MIB1: variants seen among roughly 807,000 people sequenced by gnomAD.
The protein encoded by MIB1 is MIB E3 ubiquitin protein ligase 1, also known as E3 ubiquitin-protein ligase MIB1.
In MIB1, 278 loss-of-function variants were observed where a neutral mutation model predicts 124.5. The ratio of observed to expected loss-of-function variants is 2.23; its 90% CI spans 2.02 to 2.47. The LOEUF (loss-of-function observed/expected upper bound fraction) is 2.47, where lower values mean the gene tolerates loss of function less well. MIB1 is among the 30% of genes most tolerant of loss of function. MIB1 has a pLI of 0.00. For missense variants in MIB1, 957 were observed against 1,254.4 expected (o/e 0.76, Z 3.58); for synonymous variants, 446 against 429.4 (o/e 1.04, Z -0.48).
In MIB1 at chr18:21,779,490, A is replaced by T; in HGVS notation, c.713A>T (p.Asn238Ile). 1 of 1,614,086 alleles carries T rather than the reference A, an allele frequency of 6.2e-7. No individual in the cohort carries two copies. The highest frequency in any genetic ancestry group is 8.5e-7 in the Non-Finnish European group (1 of 1,179,954). ...RDHCPVLGEQNGNRNPGGLQI... is the reference protein window; with the variant it reads ...RDHCPVLGEQIGNRNPGGLQI... ...GCCTCTGAAATTACAGGTGAGCAGAATGGCAACAGGAATCCTGGTGGATTG... is the reference window on the plus strand; with the variant it reads ...GCCTCTGAAATTACAGGTGAGCAGATTGGCAACAGGAATCCTGGTGGATTG... The change falls in exon 6 of 21, where the codon AAT (asparagine) becomes ATT (isoleucine). Residue 238 changes from asparagine (N) to isoleucine (I), a missense_variant. Coordinates refer to ENST00000261537, the MANE Select transcript of MIB1 (RefSeq NM_020774.4).
intron 9 of MIB1, among the ~76,000 whole-genome samples, chr18:21,801,883 G>C (rs1020087295): frequency 6.6e-6 from 1 of 152,108 alleles, no homozygotes; most frequent in Non-Finnish European, 1.5e-5. Flanking sequence ...TCACCCATCA[G>C]CTTGAGGGTT....
chr18:21,761,294 G>A (rs998427960), intron 1 of MIB1, among the ~76,000 whole-genome samples: 2 of 148,334 alleles, frequency 1.3e-5, no homozygotes, highest in African/African-American at 4.9e-5. Flanking sequence ...TGTCATAATT[G>A]TCTGGTGCAG....
chr18:21,774,322 C>T (rs2041255961), intron 4 of MIB1, among the ~76,000 whole-genome samples: 1 of 152,332 alleles, frequency 6.6e-6, no homozygotes, highest in African/African-American at 2.4e-5. Context: ...GGCACGGTGG[C>T]TCACGCCTGT....
chr18:21,750,011 C>T lies in MIB1; in HGVS notation c.229+8199C>T, dbSNP rs1186838341. Among the ~76,000 whole-genome samples the T allele has an allele frequency of 2.0e-5, 3 of 152,002 alleles. No individual in the cohort carries two copies. In the East Asian group the frequency reaches 5.8e-4, roughly 29 times the overall value. On this transcript the variant is annotated intron_variant, in intron 1 of 20. Transcript: ENST00000261537. ...TTAACCAGTGAGTTAGAAATTTTAT[C>T]ACCTTTTTTTCTGCTCTGCTAATTA...
chr18:21,739,705 A>T (rs751776865), upstream of MIB1, among the ~76,000 whole-genome samples: 81 of 151,926 alleles, frequency 5.3e-4, no homozygotes, highest in Admixed American at 1.8e-3. Flanking sequence ...AAATAGTGAG[A>T]TATATCCCCC....
chr18:21,820,692 A>T (rs1403099569), intron 12 of MIB1, among the ~76,000 whole-genome samples: 1 of 152,228 alleles, frequency 6.6e-6, no homozygotes, highest in South Asian at 2.1e-4. Flanking sequence ...AGCACTTTCC[A>T]CATGCCAGCC....
rs908103039 is a variant in MIB1, at chr18:21,851,557, T to C, written c.2587-1583T>C. Among the ~76,000 whole-genome samples the C allele has an allele frequency of 3.3e-5, 5 of 152,130 alleles. 1 individual carries two copies. The highest frequency in any genetic ancestry group is 1.3e-4 in the Admixed American group (2 of 15,260). On this transcript the variant is annotated intron_variant, in intron 17 of 20. Coordinates refer to ENST00000261537, the MANE Select transcript of MIB1 (RefSeq NM_020774.4). ...GGTTAAAGGATAATGAATGTCTTCA[T>C]TGAAGAAAAACAAATTACAGTATTT...
At chr18:21,750,848 C>T (rs1390708993) in intron 1 of MIB1, among the ~76,000 whole-genome samples, 2 of 152,126 alleles carry the variant, frequency 1.3e-5, no homozygotes, top group African/African-American at 4.8e-5. Context: ...TTTTTGTTTG[C>T]ATTGTCCTTT....
chr18:21,795,041 G>T (rs1025081561), intron 7 of MIB1, among the ~76,000 whole-genome samples: 5 of 151,606 alleles, frequency 3.3e-5, no homozygotes, highest in Admixed American at 2.0e-4. Context: ...TGTTGTAAAG[G>T]AAAGGGTAGA....
intron 4 of MIB1, among the ~76,000 whole-genome samples, chr18:21,775,260 G>C (rs1381874691): frequency 1.3e-5 from 2 of 151,944 alleles, no homozygotes; most frequent in African/African-American, 2.4e-5. Flanking sequence ...TATTTTTAGA[G>C]ACAGGGTCTT....
At chr18:21,724,746 ATATATATATATATATATATATATATATT>A (rs1354691235) in intron 1 of MIB1, among the ~76,000 whole-genome samples, 2 of 91,870 alleles carry the variant, frequency 2.2e-5, no homozygotes, top group Non-Finnish European at 4.3e-5. Context: ...ATATATATAT[ATATATATATATATATATATATATATATT>A]AGTCTATATG....
intron 1 of MIB1, among the ~76,000 whole-genome samples, chr18:21,707,318 C>A (rs1229936873): frequency 6.6e-6 from 1 of 152,120 alleles, no homozygotes; most frequent in Admixed American, 6.5e-5. Flanking sequence ...CCTGTCAAAA[C>A]GGACCAGTCA....
chr18:21,797,163 A>G (rs950738887), intron 7 of MIB1, among the ~76,000 whole-genome samples: 2 of 152,150 alleles, frequency 1.3e-5, no homozygotes, highest in African/African-American at 4.8e-5. Context: ...TATGTTATCA[A>G]AAAAAGAGTT....
At chr18:21,790,570 G>A (rs1009345095) in intron 6 of MIB1, among the ~76,000 whole-genome samples, 46 of 151,994 alleles carry the variant, frequency 3.0e-4, no homozygotes, top group Non-Finnish European at 6.0e-4. Context: ...CTATGTCTGC[G>A]TATACATATA....
chr18:21,757,401 G>A (rs1357229523), intron 1 of MIB1, among the ~76,000 whole-genome samples: 6 of 111,150 alleles, frequency 5.4e-5, no homozygotes, highest in African/African-American at 1.0e-4. Context: ...GCAGTGAGCC[G>A]AGATCATGCC....
intron 6 of MIB1, among the ~76,000 whole-genome samples, chr18:21,781,415 A>ATG (rs1568199129): frequency 1.0e-4 from 10 of 99,486 alleles, no homozygotes; most frequent in African/African-American, 3.6e-4. Context: ...ATATATATAT[A>ATG]AAATTATTAT....
chr18:21,831,178 T>C (rs2041977522), intron 12 of MIB1: 1 of 150,352 alleles, frequency 6.7e-6, no homozygotes, highest in Non-Finnish European at 1.5e-5. Flanking sequence ...ACATTCACCC[T>C]GTTTTTCTTT....
chr18:21,730,402 G>A (rs1490088085), intron 1 of MIB1, among the ~76,000 whole-genome samples: 1 of 152,092 alleles, frequency 6.6e-6, no homozygotes, highest in Non-Finnish European at 1.5e-5. Flanking sequence ...CCCCGTCTCT[G>A]CTAAAAATAA....
intron 9 of MIB1, among the ~76,000 whole-genome samples, chr18:21,802,891 C>T (rs113959541): frequency 3.3e-4 from 51 of 152,248 alleles, no homozygotes; most frequent in African/African-American, 1.2e-3. Context: ...TCAAGTTTTC[C>T]TGTCTAGGGA....
Sources: gnomAD v4.1 joint callset for allele counts (sites outside exome capture counted in the v4.1 genomes callset) on GRCh38, gnomAD v4.1.1 for gene constraint, MANE v1.5 for transcripts, NCBI Gene and HGNC (gene_info 2026-07-23, HGNC 2026-07-21) for gene names.